The following AAK1 variants were observed in gnomAD, a reference collection of about 807,000 sequenced individuals.
AAK1 encodes AP2 associated kinase 1.
AAK1 carries 37 observed loss-of-function variants against 116.0 expected under a neutral mutation model. That is an observed-to-expected ratio of 0.32 (90% CI 0.25 to 0.42). The LOEUF is 0.42. Ranked by LOEUF, AAK1 falls within the 10% of genes least tolerant of loss-of-function variation. The pLI is 1.00. For synonymous variants in AAK1, 458 were observed against 439.9 expected, an observed-to-expected ratio of 1.04 and a Z score of -0.51; for missense variants, 919 against 1,170.6, an observed-to-expected ratio of 0.79 and a Z score of 3.14.
intron 2 of AAK1, among the ~76,000 whole-genome samples, chr2:69,616,423 G>T (rs868314256): frequency 3.9e-5 from 6 of 152,318 alleles, no homozygotes; most frequent in Middle Eastern, 3.4e-3. Context: ...ACCTGATTTT[G>T]CCATTTAACA....
intron 2 of AAK1, among the ~76,000 whole-genome samples, chr2:69,589,211 CAA>C (rs1025423646): frequency 6.6e-6 from 1 of 152,112 alleles, no homozygotes; most frequent in Non-Finnish European, 1.5e-5. Context: ...GGAGATAGTT[CAA>C]AGTCAGGAAA....
rs368880951 is a variant in AAK1, at chr2:69,530,021, C to T, written c.858G>A (p.Met286Ile). The change falls in exon 8 of 22, where the codon ATG becomes ATA. Residue 286 changes from methionine (M) to isoleucine (I), a missense_variant. By Grantham distance (10) the Met-to-Ile change is conservative. Coordinates refer to ENST00000409085, the MANE Select transcript of AAK1 (RefSeq NM_014911.5). ...TAAAATACTTACTAATTAGGCAGTG[C>T]ATGTCTTGAGAATATCGAGAATTAT... is the stretch of plus-strand genomic sequence containing the variant. Reference protein sequence around the residue: ...IPDNSRYSQDMHCLIRYMLEP... With the variant: ...IPDNSRYSQDIHCLIRYMLEP... 1.1e-5 allele frequency: 17 copies of T among 1,588,264 alleles called. No homozygotes were observed. The African/African-American group carries it at 2.3e-4, about 21-fold the overall frequency.
chr2:69,624,849 T>C (rs1204474168), intron 2 of AAK1, among the ~76,000 whole-genome samples: 1 of 152,014 alleles, frequency 6.6e-6, no homozygotes, highest in African/African-American at 2.4e-5. Context: ...ACCGAAACAA[T>C]ATTATAACAG....
Position 69,514,471 on chromosome 2 carries a change from C to T in AAK1, c.1776G>A (p.Ala592=), listed in dbSNP as rs772096323. ...APQPAPAQEP[A]IQAPVRQQPK... ...GCTCTGAGCTCTGGTTGATTCTTACCGCTGGCTCCTGGGCAGGGGCTGGCT... is the reference window on the plus strand; with the variant it reads ...GCTCTGAGCTCTGGTTGATTCTTACTGCTGGCTCCTGGGCAGGGGCTGGCT... Residue 592 remains alanine (A), a splice_region_variant and synonymous_variant, in exon 13 of 22, where the codon GCG becomes GCA. Transcript: ENST00000409085. The T allele has an allele frequency of 5.2e-6, 8 of 1,538,500 alleles. No individual in the cohort carries two copies. In the East Asian group the frequency reaches 7.4e-5, roughly 14 times the overall value.
chr2:69,575,591 C>T (rs1030066809), intron 2 of AAK1, among the ~76,000 whole-genome samples: 12 of 151,632 alleles, frequency 7.9e-5, no homozygotes, highest in African/African-American at 2.9e-4. Flanking sequence ...GCCTCAGCCT[C>T]CCAAGTAGCC....
rs1485920546 is a variant in AAK1 at position 69,484,922 on chromosome 2, A to C, written c.2366-2110T>G. ...AACATAAAAAAAAGGAAGGAAAAAA[A>C]AGGAAGTTTTTCAGTTGCAGGAAAA... On this transcript the variant is annotated intron_variant, in intron 17 of 21. Coordinates refer to ENST00000409085, the MANE Select transcript of AAK1 (RefSeq NM_014911.5). 5.3e-5 allele frequency among the ~76,000 whole-genome samples: 8 copies of C among 152,096 alleles called. No individual in the cohort carries two copies. In the South Asian group the frequency reaches 1.7e-3, roughly 32 times the overall value.
intron 17 of AAK1, among the ~76,000 whole-genome samples, chr2:69,495,688 C>T (rs192413489): frequency 2.0e-5 from 3 of 152,196 alleles, no homozygotes; most frequent in East Asian, 1.9e-4. Flanking sequence ...ATGTTCTTTC[C>T]AATACAGAGG....
At chr2:69,619,664 T>C (rs1312933016) in intron 2 of AAK1, among the ~76,000 whole-genome samples, 1 of 152,072 alleles carries the variant, frequency 6.6e-6, no homozygotes, top group African/African-American at 2.4e-5. Flanking sequence ...CAAATTTTAA[T>C]GGAATGGTCA....
chr2:69,514,815 C>T (rs1676519013), intron 12 of AAK1, 66 bp from the exon 13 acceptor site: 1 of 1,469,432 alleles, frequency 6.8e-7, no homozygotes, highest in Non-Finnish European at 9.0e-7. Flanking sequence ...AGACAAATGT[C>T]TCAAAAACAA....
At chr2:69,634,925 G>A (rs1318960957) in intron 2 of AAK1, among the ~76,000 whole-genome samples, 2 of 152,204 alleles carry the variant, frequency 1.3e-5, no homozygotes, top group African/African-American at 4.8e-5. Flanking sequence ...CAAAACAGTA[G>A]TGTACAAGAT....
chr2:69,477,186 T>C (rs1244332595), intron 20 of AAK1, among the ~76,000 whole-genome samples, 196 bp from the exon 21 acceptor site: 3 of 127,172 alleles, frequency 2.4e-5, no homozygotes, highest in Non-Finnish European at 4.9e-5. Context: ...GCTTTAGAGT[T>C]GGCCATGTTG....
intron 2 of AAK1, chr2:69,598,309 C>A: frequency 2.7e-6 from 1 of 363,974 alleles, no homozygotes; most frequent in South Asian, 7.4e-5. Flanking sequence ...CCAAAAACCC[C>A]ATATTTTATA....
intron 10 of AAK1, 148 bp downstream of exon 10, chr2:69,524,885 G>A (rs1029661724): frequency 2.2e-5 from 15 of 690,506 alleles, no homozygotes; most frequent in Middle Eastern, 2.5e-4. Flanking sequence ...CCAAAGAACC[G>A]TTTCTGCCTA....
At chr2:69,553,029 T>C (rs1671242636) in intron 3 of AAK1, among the ~76,000 whole-genome samples, 1 of 151,800 alleles carries the variant, frequency 6.6e-6, no homozygotes, top group Non-Finnish European at 1.5e-5. Flanking sequence ...ACAAGAAAAT[T>C]AGAAAATCAA....
chr2:69,558,100 T>A (rs1465098929), intron 2 of AAK1, among the ~76,000 whole-genome samples: 1 of 152,120 alleles, frequency 6.6e-6, no homozygotes, highest in Non-Finnish European at 1.5e-5. Context: ...CCCAGAACTT[T>A]GGGAGGCTGA....
At chr2:69,551,621 T>A (rs1671185592) in intron 3 of AAK1, among the ~76,000 whole-genome samples, 2 of 152,242 alleles carry the variant, frequency 1.3e-5, no homozygotes, top group Admixed American at 6.5e-5. Context: ...GGCCAGGGGA[T>A]GTGAACACAG....
rs748027803 is a variant in AAK1, at chr2:69,527,359, A to C, written c.872-40T>G. 24 of 1,316,468 alleles carry C rather than the reference A, an allele frequency of 1.8e-5. No homozygotes were observed. The South Asian group carries it at 2.8e-4, about 15-fold the overall frequency. The allele number at this position is 1,316,468 out of a possible 1,614,324, so 81.5% of individuals were successfully genotyped here. On this transcript the variant is annotated intron_variant, in intron 8 of 21. Coordinates refer to ENST00000409085, the MANE Select transcript of AAK1 (RefSeq NM_014911.5). ...TGAATTTATTTAATAATATTCCAACAGTTATTACACTAGCTAGGAAGCATC... is the reference window on the plus strand; with the variant it reads ...TGAATTTATTTAATAATATTCCAACCGTTATTACACTAGCTAGGAAGCATC...
At chr2:69,501,088 A>G (rs1675964115) in intron 16 of AAK1, among the ~76,000 whole-genome samples, 1 of 152,172 alleles carries the variant, frequency 6.6e-6, no homozygotes, top group African/African-American at 2.4e-5. Flanking sequence ...TATCCTACCC[A>G]GGTCCATGGC....
At chr2:69,610,771 A>AC (rs1674043472) in intron 2 of AAK1, among the ~76,000 whole-genome samples, 1 of 152,270 alleles carries the variant, frequency 6.6e-6, no homozygotes, top group Non-Finnish European at 1.5e-5. Context: ...AAGATGCTCA[A>AC]CATTATTAGT....
Sources: allele counts gnomAD v4.1 joint callset (sites outside exome capture counted in the v4.1 genomes callset), GRCh38; gene constraint gnomAD v4.1.1; transcripts MANE v1.5; gene names NCBI Gene and HGNC (gene_info 2026-07-23, HGNC 2026-07-21).